The following SLC38A12 variants were observed in gnomAD, a reference collection of about 807,000 sequenced individuals.
SLC38A12 encodes solute carrier family 38 member 12.
chr17:74,786,331 AAG>A, the SLC38A12 span, among the ~76,000 whole-genome samples: 2 of 127,932 alleles, frequency 1.6e-5, no homozygotes, highest in Non-Finnish European at 3.8e-5. Context: ...AGCTGCAAAA[AAG>A]AGATGGGAAG....
the SLC38A12 span, among the ~76,000 whole-genome samples, chr17:74,823,173 G>A: frequency 2.0e-5 from 3 of 151,336 alleles, no homozygotes; most frequent in Non-Finnish European, 3.0e-5. Flanking sequence ...CCCAGATGAG[G>A]CCATGCTTTC....
chr17:74,780,836 A>G, the SLC38A12 span, among the ~76,000 whole-genome samples: 1 of 152,184 alleles, frequency 6.6e-6, no homozygotes, highest in Admixed American at 6.5e-5. Flanking sequence ...GACAACTGCA[A>G]TTACCCATTT....
chr17:74,792,383 G>T, the SLC38A12 span, among the ~76,000 whole-genome samples: 4 of 151,708 alleles, frequency 2.6e-5, no homozygotes, highest in East Asian at 7.7e-4. Flanking sequence ...CCTGGGAGGC[G>T]GAGGTTGCAG....
the SLC38A12 span, among the ~76,000 whole-genome samples, chr17:74,827,242 C>G: frequency 6.6e-6 from 1 of 151,850 alleles, no homozygotes; most frequent in South Asian, 2.1e-4. This position sits in a 1 kb window ranked among gnomAD's most constrained non-coding sequence, Gnocchi z 4.7. Context: ...CCAGGTTTTA[C>G]CAGCACGGCA....
chr17:74,802,377 T>A, the SLC38A12 span, among the ~76,000 whole-genome samples: 2 of 152,100 alleles, frequency 1.3e-5, no homozygotes, highest in Admixed American at 6.6e-5. Context: ...GGGGACTCAG[T>A]GTCACAAAGC....
At chr17:74,812,151 G>A in the SLC38A12 span, among the ~76,000 whole-genome samples, 12 of 151,854 alleles carry the variant, frequency 7.9e-5, no homozygotes, top group Non-Finnish European at 1.8e-4. Context: ...CTTGGTGTGT[G>A]CTGACACAGG....
chr17:74,819,720 A>G, the SLC38A12 span: 1 of 1,605,280 alleles, frequency 6.2e-7, no homozygotes, highest in Non-Finnish European at 8.5e-7. Flanking sequence ...TGCGGCCTGC[A>G]CCCTCCTCAC....
chr17:74,835,705 C>T, the SLC38A12 span, among the ~76,000 whole-genome samples: 1 of 152,216 alleles, frequency 6.6e-6, no homozygotes, highest in Non-Finnish European at 1.5e-5. Context: ...ACCCAGGCCC[C>T]CTGCTCAGCA....
At chr17:74,785,615 C>T in the SLC38A12 span, 5,011 of 1,611,402 alleles carry the variant, frequency 3.1e-3, 12 homozygotes, top group Middle Eastern at 8.4e-3. Context: ...TGAGAGGCAG[C>T]GGGGACTTCC....
chr17:74,838,988 C>T, the SLC38A12 span: 1 of 1,535,758 alleles, frequency 6.5e-7, no homozygotes. Context: ...ACTCAACAGC[C>T]TCTACCCAAC....
the SLC38A12 span, chr17:74,836,878 C>T: frequency 8.0e-6 from 11 of 1,380,808 alleles, no homozygotes; most frequent in African/African-American, 1.5e-5. The surrounding 1 kb of genome is among the most constrained non-coding windows in gnomAD (Gnocchi z 4.2). Context: ...TGTCCTCACT[C>T]CCCCGGGCAG....
the SLC38A12 span, among the ~76,000 whole-genome samples, chr17:74,780,083 C>T: frequency 3.3e-5 from 5 of 152,200 alleles, no homozygotes; most frequent in African/African-American, 9.7e-5. Flanking sequence ...CTGTAGGTCA[C>T]GCCCGACAGA....
At chr17:74,819,450 G>A in the SLC38A12 span, among the ~76,000 whole-genome samples, 1 of 152,246 alleles carries the variant, frequency 6.6e-6, no homozygotes. Context: ...TGTGTTTGCT[G>A]AAGAGAGCAG....
the SLC38A12 span, among the ~76,000 whole-genome samples, chr17:74,796,897 A>G: frequency 2.6e-5 from 4 of 152,190 alleles, no homozygotes; most frequent in African/African-American, 9.7e-5. Flanking sequence ...TCAACAAACC[A>G]TGACTGACAA....
At chr17:74,809,166 G>A in the SLC38A12 span, among the ~76,000 whole-genome samples, 1 of 152,214 alleles carries the variant, frequency 6.6e-6, no homozygotes, top group Non-Finnish European at 1.5e-5. Context: ...GGTATTCAGA[G>A]GAGGTGGTTC....
the SLC38A12 span, chr17:74,794,903 A>G: frequency 1.1e-6 from 1 of 881,676 alleles, no homozygotes; most frequent in Non-Finnish European, 1.8e-6. Context: ...AGCTCAGAGA[A>G]CTGAAAGCTA....
the SLC38A12 span, among the ~76,000 whole-genome samples, chr17:74,832,006 G>C: frequency 6.6e-6 from 1 of 152,202 alleles, no homozygotes; most frequent in African/African-American, 2.4e-5. Flanking sequence ...GGGATGTGGC[G>C]ATCAATCTAG....
the SLC38A12 span, among the ~76,000 whole-genome samples, chr17:74,793,754 G>A: frequency 1.3e-5 from 2 of 152,184 alleles, no homozygotes; most frequent in Non-Finnish European, 2.9e-5. Context: ...AACCCCAGAG[G>A]CCACTAAGCT....
chr17:74,794,958 A>C, the SLC38A12 span: 1 of 1,468,070 alleles, frequency 6.8e-7, no homozygotes, highest in South Asian at 1.2e-5. Flanking sequence ...AAAAAAAAAA[A>C]AACATGCAGA....
Sources: allele counts gnomAD v4.1 joint callset (sites outside exome capture counted in the v4.1 genomes callset), GRCh38; gene constraint gnomAD v4.1.1; non-coding constraint Gnocchi (gnomAD v3.1); transcripts MANE v1.5; gene names NCBI Gene and HGNC (gene_info 2026-07-23, HGNC 2026-07-21).